The following TRIM62 variants were observed in gnomAD, a reference collection of about 807,000 sequenced individuals.
The protein encoded by TRIM62 is tripartite motif containing 62.
In TRIM62, 39 loss-of-function variants were observed where a neutral mutation model predicts 44.2. The observed-to-expected ratio is 0.88, with a 90% CI of 0.68 to 1.15. The LOEUF is 1.15. TRIM62 is among the 50% of genes most tolerant of loss of function. TRIM62 has a pLI of 0.00. For synonymous variants in TRIM62, 278 were observed against 292.3 expected, an observed-to-expected ratio of 0.95 and a Z score of 0.50; for missense variants, 544 against 665.5, an observed-to-expected ratio of 0.82 and a Z score of 2.01.
rs1001087349 is a variant in TRIM62, at chr1:33,175,001, G to A, written c.408+6024C>T. Among the ~76,000 whole-genome samples, 165 of 135,664 alleles carry A rather than the reference G, an allele frequency of 1.2e-3. 2 individuals carry two copies. Among genetic ancestry groups the A allele is most frequent in the Non-Finnish European group, 2.2e-3 (142 of 65,054 alleles). 89.0% of individuals were successfully genotyped at this position (135,664 alleles called of 152,430 possible). A position where few individuals can be genotyped will look rare whatever the true frequency, so the allele number is the denominator to read the frequency against. Reference sequence around the variant, plus strand: ...TATACATATATATGCACACACACATGTATGTATATGTATATGTATATGTAT... The same window carrying A: ...TATACATATATATGCACACACACATATATGTATATGTATATGTATATGTAT... On this transcript the variant is annotated intron_variant, in intron 1 of 4. Transcript: ENST00000291416.
At position 33,159,922 on chromosome 1, in the gene TRIM62, G is replaced by A; in HGVS notation, c.527C>T (p.Thr176Ile). 6.2e-7 allele frequency: 1 copy of A among 1,606,312 alleles called. No homozygotes were observed. Among genetic ancestry groups the A allele is most frequent in the East Asian group, 2.2e-5 (1 of 44,876 alleles). ...CCGCTCGAAGGCCTCGCCGATAGTG[G>A]TCCGCAGGCTCTTGGTGGAAGACTG... The part of the protein sequence containing the change: ...ETKSSTKSLR[T>I]TIGEAFERLH... The change falls in exon 3 of 5, where the codon ACC (threonine) becomes ATC (isoleucine). Residue 176 changes from threonine to isoleucine, a missense_variant. Thr to Ile is a moderately conservative substitution (Grantham distance 89). Coordinates refer to ENST00000291416, the MANE Select transcript of TRIM62 (RefSeq NM_018207.3). The surrounding 1 kb of genome is among the most constrained non-coding windows in gnomAD (Gnocchi z 4.2).
chr1:33,178,511 C>T (rs1253276765), intron 1 of TRIM62, among the ~76,000 whole-genome samples: 1 of 152,220 alleles, frequency 6.6e-6, no homozygotes, highest in Non-Finnish European at 1.5e-5. Flanking sequence ...CTCAGCTGGG[C>T]ACATGAGCTC....
chr1:33,180,121 T>C (rs568379909), intron 1 of TRIM62, among the ~76,000 whole-genome samples: 1 of 152,250 alleles, frequency 6.6e-6, no homozygotes, highest in Admixed American at 6.5e-5. Context: ...GGAGACCGAT[T>C]AGAGTTCTAT....
rs1295490411 is a variant in TRIM62, at chr1:33,158,326, G to A, written c.804C>T (p.Asp268=). 2 of 1,614,046 alleles carry A rather than the reference G, an allele frequency of 1.2e-6. No homozygotes were observed. Among genetic ancestry groups the A allele is most frequent in the South Asian group, 1.1e-5 (1 of 91,078 alleles). ...GGCCTGTGTACTTGGAGGTCGGGAA[G>A]TCTTCATATGTGAGGTTGGTCTCAT... The part of the protein sequence containing the change: ...KIHETNLTYE[D]FPTSKYTGPL... Residue 268 remains aspartate, a synonymous_variant, in exon 4 of 5, where the codon GAC becomes GAT. Transcript: ENST00000291416.
At chr1:33,158,178 G>A (rs1489371548) in intron 4 of TRIM62, 75 bp downstream of exon 4, 20 of 1,366,638 alleles carry the variant, frequency 1.5e-5, no homozygotes, top group East Asian at 2.3e-5. Flanking sequence ...GCCCCATGCT[G>A]TGTTTAGGAC....
chr1:33,168,886 C>T (rs1020259714), intron 1 of TRIM62, among the ~76,000 whole-genome samples: 1 of 152,220 alleles, frequency 6.6e-6, no homozygotes, highest in African/African-American at 2.4e-5. Flanking sequence ...GGCAGCTCTT[C>T]AGGATTTCTG....
chr1:33,154,666 C>T (rs1029914457), intron 4 of TRIM62, among the ~76,000 whole-genome samples: 14 of 151,192 alleles, frequency 9.3e-5, no homozygotes, highest in Admixed American at 5.3e-4. Flanking sequence ...GGTGCAGTGG[C>T]GTGTGCCTGT....
At chr1:33,148,270 G>A (rs1431495650) in intron 4 of TRIM62, among the ~76,000 whole-genome samples, 3 of 152,172 alleles carry the variant, frequency 2.0e-5, no homozygotes, top group Admixed American at 6.5e-5. Flanking sequence ...AGACATTCAT[G>A]TGGATGAAAA....
intron 1 of TRIM62, among the ~76,000 whole-genome samples, chr1:33,174,601 A>C (rs1013818285): frequency 2.0e-5 from 3 of 152,066 alleles, no homozygotes; most frequent in African/African-American, 7.2e-5. Context: ...AGAGAAGGAG[A>C]GCATGACTGC....
In TRIM62 at chr1:33,158,353, G is replaced by A; in HGVS notation, c.777C>T (p.Ile259=). 1 of 1,613,758 alleles carries A rather than the reference G, an allele frequency of 6.2e-7. No homozygotes were observed. Among genetic ancestry groups the A allele is most frequent in the Non-Finnish European group, 8.5e-7 (1 of 1,179,706 alleles). ...CTTCATATGTGAGGTTGGTCTCATG[G>A]ATTTTTCCCTTGAGCCTGGAAGGAG... is the stretch of plus-strand genomic sequence containing the variant. ...ASLSERLKGK[I]HETNLTYEDF... is the part of the protein sequence containing the mutation. Residue 259 remains isoleucine (I), a synonymous_variant, in exon 4 of 5, where the codon ATC becomes ATT. Coordinates refer to ENST00000291416, the MANE Select transcript of TRIM62 (RefSeq NM_018207.3).
At chr1:33,176,739 A>G (rs1456761167) in intron 1 of TRIM62, among the ~76,000 whole-genome samples, 1 of 152,214 alleles carries the variant, frequency 6.6e-6, no homozygotes, top group Non-Finnish European at 1.5e-5. Flanking sequence ...CTGGCTTCCA[A>G]TCCTGGCCCT....
intron 4 of TRIM62, among the ~76,000 whole-genome samples, chr1:33,152,862 C>T (rs1336783240): frequency 6.6e-6 from 1 of 152,156 alleles, no homozygotes; most frequent in Middle Eastern, 3.4e-3. Context: ...GGAGAGCAGC[C>T]CAGGATGGGG....
intron 2 of TRIM62, among the ~76,000 whole-genome samples, chr1:33,160,272 G>T (rs1317827746): frequency 2.0e-5 from 3 of 152,150 alleles, no homozygotes; most frequent in Non-Finnish European, 4.4e-5. Context: ...GTACAGAAGA[G>T]AAAGGAGCTG....
chr1:33,172,164 T>G (rs558150514), intron 1 of TRIM62, among the ~76,000 whole-genome samples: 10 of 152,340 alleles, frequency 6.6e-5, no homozygotes, highest in African/African-American at 2.4e-4. Flanking sequence ...TGACCTGACA[T>G]GACGTACAGG....
intron 4 of TRIM62, among the ~76,000 whole-genome samples, chr1:33,150,927 G>A (rs1451298030): frequency 6.6e-6 from 1 of 152,128 alleles, no homozygotes; most frequent in African/African-American, 2.4e-5. Flanking sequence ...GAGTGCTGGG[G>A]GAACCTAGGC....
At chr1:33,148,487 T>A (rs776304919) in intron 4 of TRIM62, among the ~76,000 whole-genome samples, 3 of 152,158 alleles carry the variant, frequency 2.0e-5, no homozygotes, top group Admixed American at 6.5e-5. Flanking sequence ...CACCACTGAC[T>A]GAGACAACCT....
At position 33,165,409 on chromosome 1, in the gene TRIM62, C is replaced by T. The variant is rs1645317783; in HGVS notation, c.504+62G>A. The T allele has an allele frequency of 6.9e-6, 10 of 1,453,206 alleles. No individual in the cohort carries two copies. In the South Asian group the frequency reaches 1.1e-4, roughly 17 times the overall value. 90.0% of individuals were successfully genotyped at this position (1,453,206 alleles called of 1,614,324 possible). On this transcript the variant is annotated intron_variant, in intron 2 of 4. Coordinates refer to ENST00000291416, the MANE Select transcript of TRIM62 (RefSeq NM_018207.3). The surrounding 1 kb of genome is among the most constrained non-coding windows in gnomAD (Gnocchi z 4.0). ...CCCGCCCCTCTTCCCCAGCTGGCCCCGCCCCTCGAAGCCCTGCCCTCATCT... is the reference window on the plus strand; with the variant it reads ...CCCGCCCCTCTTCCCCAGCTGGCCCTGCCCCTCGAAGCCCTGCCCTCATCT...
At chr1:33,176,398 C>T (rs189030652) in intron 1 of TRIM62, 1 of 695,628 alleles carries the variant, frequency 1.4e-6, no homozygotes, top group Admixed American at 2.0e-5. Flanking sequence ...GATCACCATA[C>T]CCTGCCTACC....
At chr1:33,162,823 G>C (rs1645287653) in intron 2 of TRIM62, 1 of 152,284 alleles carries the variant, frequency 6.6e-6, no homozygotes, top group Non-Finnish European at 1.5e-5. Flanking sequence ...CATAGCTCTT[G>C]CAGGACACCC....
Sources: gnomAD v4.1 joint callset for allele counts (sites outside exome capture counted in the v4.1 genomes callset) on GRCh38, gnomAD v4.1.1 for gene constraint, Gnocchi (gnomAD v3.1) non-coding constraint, MANE v1.5 for transcripts, NCBI Gene and HGNC (gene_info 2026-07-23, HGNC 2026-07-21) for gene names.